SLC8A1: variants seen among roughly 807,000 people sequenced by gnomAD.
The protein encoded by SLC8A1 is solute carrier family 8 member A1.
Under a neutral mutation model 68.3 loss-of-function variants are expected in SLC8A1, and 18 were observed. That is an observed-to-expected ratio of 0.26 (90% confidence interval 0.18 to 0.39). The LOEUF is 0.39. SLC8A1 is among the 10% of genes least tolerant of loss of function. The pLI, the probability that SLC8A1 is intolerant of heterozygous loss-of-function variation, is 1.00. For missense variants in SLC8A1, 985 were observed against 1,156.7 expected, an observed-to-expected ratio of 0.85 and a Z score of 2.15; for synonymous variants, 475 against 415.5, an observed-to-expected ratio of 1.14 and a Z score of -1.74.
intron 2 of SLC8A1, among the ~76,000 whole-genome samples, chr2:40,280,418 T>C (rs2067343733): frequency 6.6e-6 from 1 of 152,192 alleles, no homozygotes; most frequent in African/African-American, 2.4e-5. Flanking sequence ...CATGGAAATA[T>C]CTATTCCATT....
chr2:40,146,921 G>T (rs2042578032), intron 6 of SLC8A1, among the ~76,000 whole-genome samples: 1 of 152,120 alleles, frequency 6.6e-6, no homozygotes, highest in Non-Finnish European at 1.5e-5. Flanking sequence ...TGACAGTATT[G>T]TAAAGGGCGT....
intron 2 of SLC8A1, among the ~76,000 whole-genome samples, chr2:40,234,507 A>G (rs77782501): frequency 0.13 from 19,549 of 151,492 alleles, 1,610 homozygotes; most frequent in African/African-American, 0.21. Context: ...GGGCTGAGAC[A>G]ATGGGGTTTT....
At chr2:40,404,485 G>T (rs1407434263) in intron 2 of SLC8A1, among the ~76,000 whole-genome samples, 2 of 152,142 alleles carry the variant, frequency 1.3e-5, no homozygotes, top group East Asian at 3.8e-4. Flanking sequence ...TTATGCAACA[G>T]CTATCAAATA....
chr2:40,223,764 T>C (rs544494606), intron 2 of SLC8A1: 3 of 152,242 alleles, frequency 2.0e-5, no homozygotes, highest in Admixed American at 6.5e-5. Flanking sequence ...AAGTTACACA[T>C]ATAAATGACA....
At chr2:40,246,767 A>G in intron 2 of SLC8A1, among the ~76,000 whole-genome samples, 1 of 152,086 alleles carries the variant, frequency 6.6e-6, no homozygotes, top group East Asian at 1.9e-4. Context: ...TCTGAAACAG[A>G]AAAGTTTTTA....
chr2:40,271,680 C>T (rs1405118357), intron 2 of SLC8A1, among the ~76,000 whole-genome samples: 5 of 152,138 alleles, frequency 3.3e-5, no homozygotes, highest in Non-Finnish European at 7.3e-5. Flanking sequence ...TGGAGGTATT[C>T]AAATAACTGT....
chr2:40,411,023 A>C (rs1231673534), intron 2 of SLC8A1, among the ~76,000 whole-genome samples: 1 of 152,056 alleles, frequency 6.6e-6, no homozygotes, highest in Non-Finnish European at 1.5e-5. Context: ...AAAAATAATT[A>C]AGTTTTTTTA....
At chr2:40,340,202 T>C (rs1036313229) in intron 2 of SLC8A1, among the ~76,000 whole-genome samples, 9 of 152,174 alleles carry the variant, frequency 5.9e-5, no homozygotes, top group African/African-American at 1.9e-4. Flanking sequence ...CTGAAAACTA[T>C]AAGAAACATG....
At chr2:40,230,938 C>G (rs1393747950) in intron 2 of SLC8A1, among the ~76,000 whole-genome samples, 1 of 152,180 alleles carries the variant, frequency 6.6e-6, no homozygotes, top group African/African-American at 2.4e-5. Flanking sequence ...TGAAACAAGT[C>G]TCTTTTGTGT....
chr2:40,463,329 G>C (rs1249183265), intron 1 of SLC8A1, among the ~76,000 whole-genome samples: 1 of 152,190 alleles, frequency 6.6e-6, no homozygotes, highest in Admixed American at 6.5e-5. Flanking sequence ...GCCAGTGAGG[G>C]AGAAAGGGGT....
intron 2 of SLC8A1, among the ~76,000 whole-genome samples, chr2:40,272,280 T>C (rs768300485): frequency 4.6e-5 from 7 of 152,210 alleles, no homozygotes; most frequent in Non-Finnish European, 5.9e-5. Flanking sequence ...AGGTCCATAA[T>C]AGATCGCAGT....
At chr2:40,383,613 C>A (rs905302908) in intron 2 of SLC8A1, among the ~76,000 whole-genome samples, 5 of 151,994 alleles carry the variant, frequency 3.3e-5, no homozygotes, top group African/African-American at 4.8e-5. Flanking sequence ...AAAATTAAAT[C>A]TTAGATAAAA....
intron 2 of SLC8A1, among the ~76,000 whole-genome samples, chr2:40,336,189 C>G (rs545028776): frequency 5.3e-5 from 8 of 152,308 alleles, no homozygotes; most frequent in African/African-American, 1.9e-4. Context: ...TATGTGGTAC[C>G]TTAAAGACAT....
chr2:40,339,110 T>G (rs911922113), intron 2 of SLC8A1, among the ~76,000 whole-genome samples: 1 of 152,042 alleles, frequency 6.6e-6, no homozygotes, highest in Non-Finnish European at 1.5e-5. Context: ...ATGATTGATA[T>G]TACTAAACAA....
chr2:40,125,747 G>GA (rs1007255905), intron 7 of SLC8A1, among the ~76,000 whole-genome samples: 1 of 151,038 alleles, frequency 6.6e-6, no homozygotes, highest in East Asian at 1.9e-4. Context: ...AACTTATAAT[G>GA]AAAAAAAGAA....
intron 1 of SLC8A1, among the ~76,000 whole-genome samples, chr2:40,477,732 G>T (rs1349119286): frequency 6.6e-6 from 1 of 152,108 alleles, no homozygotes; most frequent in Non-Finnish European, 1.5e-5. Context: ...GAGTGTGTGT[G>T]CCTGTGCGTA....
intron 2 of SLC8A1, among the ~76,000 whole-genome samples, chr2:40,324,626 G>C (rs1196713490): frequency 6.6e-6 from 1 of 151,998 alleles, no homozygotes; most frequent in Non-Finnish European, 1.5e-5. Context: ...CATCCACTGG[G>C]GAGAATTAAG....
At chr2:40,256,517 T>C (rs987823092) in intron 2 of SLC8A1, among the ~76,000 whole-genome samples, 9 of 152,228 alleles carry the variant, frequency 5.9e-5, no homozygotes, top group African/African-American at 1.9e-4. Flanking sequence ...TATCTTTACG[T>C]CTAAAGTGTT....
chr2:40,397,939 C>T (rs1415535947), intron 2 of SLC8A1, among the ~76,000 whole-genome samples: 1 of 152,124 alleles, frequency 6.6e-6, no homozygotes, highest in East Asian at 1.9e-4. Flanking sequence ...TGGAGAATGG[C>T]CTGTGGGACA....
Sources: allele counts gnomAD v4.1 joint callset (sites outside exome capture counted in the v4.1 genomes callset), GRCh38; gene constraint gnomAD v4.1.1; transcripts MANE v1.5; gene names NCBI Gene and HGNC (gene_info 2026-07-23, HGNC 2026-07-21).